WDR7: variants seen among roughly 807,000 people sequenced by gnomAD.
WDR7 encodes WD repeat-containing protein 7.
Under a neutral mutation model 169.4 loss-of-function variants are expected in WDR7, and 46 were observed. The observed-to-expected ratio is 0.27, with a 90% CI of 0.21 to 0.35. WDR7 has a LOEUF of 0.35. Ranked by LOEUF, WDR7 falls within the 10% of genes least tolerant of loss-of-function variation. The pLI is 1.00. For missense variants in WDR7, 1,534 were observed against 1,859.3 expected (o/e 0.83, Z 3.22); for synonymous variants, 612 against 666.8 (o/e 0.92, Z 1.27).
chr18:56,976,230 A>G (rs2047563480), intron 26 of WDR7, among the ~76,000 whole-genome samples: 1 of 152,338 alleles, frequency 6.6e-6, no homozygotes. Flanking sequence ...AAAATACAGC[A>G]TGTTAAATAT....
intron 26 of WDR7, among the ~76,000 whole-genome samples, chr18:57,009,096 A>T (rs957779931): frequency 1.3e-5 from 2 of 152,218 alleles, no homozygotes; most frequent in Non-Finnish European, 2.9e-5. Context: ...ACTCTGGGAG[A>T]TTTGCAAATG....
intron 1 of WDR7, among the ~76,000 whole-genome samples, chr18:56,664,475 G>T (rs1473813213): frequency 6.6e-6 from 1 of 151,222 alleles, no homozygotes; most frequent in African/African-American, 2.4e-5. Context: ...TAGACGGTGA[G>T]AACATAATTA....
intron 16 of WDR7, among the ~76,000 whole-genome samples, chr18:56,773,345 T>G (rs970582608): frequency 1.0e-5 from 1 of 98,408 alleles, no homozygotes; most frequent in Non-Finnish European, 2.0e-5. Flanking sequence ...AAAGAGAAGT[T>G]TTTTTTTTTA....
At chr18:56,827,398 A>G (rs1247087602) in intron 20 of WDR7, among the ~76,000 whole-genome samples, 1 of 152,208 alleles carries the variant, frequency 6.6e-6, no homozygotes, top group African/African-American at 2.4e-5. Flanking sequence ...CATTTACAAC[A>G]ACCTAGGTGG....
At chr18:56,919,414 A>T (rs763955750) in intron 21 of WDR7, among the ~76,000 whole-genome samples, 8 of 152,224 alleles carry the variant, frequency 5.3e-5, no homozygotes, top group Non-Finnish European at 1.2e-4. Context: ...AGACAATTAC[A>T]GGAACCTTGG....
At chr18:56,804,944 A>G (rs1292780631) in intron 19 of WDR7, among the ~76,000 whole-genome samples, 1 of 152,224 alleles carries the variant, frequency 6.6e-6, no homozygotes, top group Admixed American at 6.5e-5. Context: ...GCAGCAGAAG[A>G]GAAGTCTGTC....
intron 19 of WDR7, among the ~76,000 whole-genome samples, chr18:56,814,724 AC>A (rs2044933968): frequency 1.3e-5 from 2 of 152,090 alleles, no homozygotes; most frequent in Non-Finnish European, 2.9e-5. Context: ...TAATTTGTAC[AC>A]TAAACCCCCA....
intron 19 of WDR7, among the ~76,000 whole-genome samples, chr18:56,803,545 C>T (rs757665033): frequency 2.0e-4 from 30 of 151,924 alleles, no homozygotes; most frequent in South Asian, 6.2e-4. Context: ...GGAAATGTGG[C>T]TCTAAAAGGA....
chr18:56,821,889 C>T (rs759518286), intron 20 of WDR7, among the ~76,000 whole-genome samples: 9 of 151,984 alleles, frequency 5.9e-5, no homozygotes, highest in African/African-American at 9.7e-5. Context: ...GTCCCAGCTA[C>T]GTGGGAGGCT....
intron 20 of WDR7, among the ~76,000 whole-genome samples, chr18:56,852,271 G>C (rs1004443980): frequency 1.3e-5 from 2 of 152,164 alleles, no homozygotes; most frequent in African/African-American, 2.4e-5. Flanking sequence ...TTGTCCGGGG[G>C]CTCAGTTGTT....
intron 19 of WDR7, among the ~76,000 whole-genome samples, chr18:56,801,022 T>C (rs925749292): frequency 6.6e-6 from 1 of 152,180 alleles, no homozygotes; most frequent in Non-Finnish European, 1.5e-5. Flanking sequence ...TCTAGAATTA[T>C]GTCTGTATTT....
intron 27 of WDR7, among the ~76,000 whole-genome samples, chr18:57,023,059 A>G (rs1159154892): frequency 6.6e-6 from 1 of 152,218 alleles, no homozygotes; most frequent in Non-Finnish European, 1.5e-5. Context: ...CATACAGCCC[A>G]TTTCTTCATG....
intron 20 of WDR7, among the ~76,000 whole-genome samples, chr18:56,855,211 A>C (rs936450672): frequency 6.8e-6 from 1 of 147,230 alleles, no homozygotes; most frequent in Non-Finnish European, 1.5e-5. Context: ...ATTCTGTGAA[A>C]TGCCTGTTCA....
intron 20 of WDR7, among the ~76,000 whole-genome samples, chr18:56,831,374 A>G (rs1239460319): frequency 1.3e-5 from 2 of 152,124 alleles, no homozygotes; most frequent in African/African-American, 4.8e-5. Flanking sequence ...GACTAGCTGG[A>G]ATGAATAAAG....
intron 20 of WDR7, among the ~76,000 whole-genome samples, chr18:56,856,240 T>C (rs936193600): frequency 1.3e-5 from 2 of 152,124 alleles, no homozygotes; most frequent in Non-Finnish European, 2.9e-5. Flanking sequence ...GTATTAAAGA[T>C]CCTATAACTA....
rs956445880 is a variant in WDR7, at chr18:56,706,742, C to T, written c.1578+10280C>T. 9.9e-5 allele frequency among the ~76,000 whole-genome samples: 15 copies of T among 151,452 alleles called. 1 individual carries two copies. Among genetic ancestry groups the T allele is most frequent in the East Asian group, 1.9e-4 (1 of 5,164 alleles). On this transcript the variant is annotated intron_variant, in intron 12 of 27. Coordinates refer to ENST00000254442, the MANE Select transcript of WDR7 (RefSeq NM_015285.3). ...TCGCTCTGTCACCCAGGCTGGAGTG[C>T]AGTGGTGCCATCTTGGCTCACTGCA...
chr18:56,703,974 A>G (rs1227330878), intron 12 of WDR7, among the ~76,000 whole-genome samples: 1 of 152,192 alleles, frequency 6.6e-6, no homozygotes, highest in Non-Finnish European at 1.5e-5. Flanking sequence ...ATTGCTCTTC[A>G]AACAATGAGG....
intron 19 of WDR7, among the ~76,000 whole-genome samples, chr18:56,812,926 G>C (rs1209547769): frequency 1.3e-5 from 2 of 151,106 alleles, no homozygotes; most frequent in Admixed American, 1.3e-4. Flanking sequence ...CGGCTCTCTA[G>C]GTATCCCTTA....
intron 27 of WDR7, among the ~76,000 whole-genome samples, chr18:57,025,528 C>A (rs2048355466): frequency 1.3e-5 from 2 of 152,168 alleles, no homozygotes. Flanking sequence ...GAAACAGGAA[C>A]CGAACTTTAA....
Sources: allele counts gnomAD v4.1 joint callset (sites outside exome capture counted in the v4.1 genomes callset), GRCh38; gene constraint gnomAD v4.1.1; transcripts MANE v1.5; gene names NCBI Gene and HGNC (gene_info 2026-07-23, HGNC 2026-07-21).